SLC22A3: variants seen among roughly 807,000 people sequenced by gnomAD.
SLC22A3 encodes the protein EMT organic cation transporter 3.
SLC22A3 carries 51 observed loss-of-function variants against 59.1 expected under a neutral mutation model. The observed-to-expected ratio is 0.86, with a 90% CI of 0.69 to 1.09. The LOEUF (loss-of-function observed/expected upper bound fraction) is 1.09, where lower values mean the gene tolerates loss of function less well. Ranked by LOEUF, SLC22A3 falls within the 50% of genes least tolerant of loss-of-function variation. The pLI is 0.00. For missense variants in SLC22A3, 711 were observed against 726.3 expected (o/e 0.98, Z 0.24); for synonymous variants, 325 against 292.0 (o/e 1.11, Z -1.15).
intron 5 of SLC22A3, among the ~76,000 whole-genome samples, chr6:160,425,029 C>G (rs187098148): frequency 1.1e-4 from 16 of 152,294 alleles, no homozygotes; most frequent in Admixed American, 3.3e-4. Flanking sequence ...ACAGGCTGCT[C>G]TCAAGTTAGC....
chr6:160,348,566 C>G lies in SLC22A3; in HGVS notation c.147C>G (p.Tyr49Ter). Residue 49 changes from tyrosine (Y) to a stop codon, truncating the protein, a stop_gained, in exon 1 of 11, where the codon TAC (tyrosine) becomes TAG (stop). Coordinates refer to ENST00000275300, the MANE Select transcript of SLC22A3 (RefSeq NM_021977.4). LOFTEE classifies it high-confidence loss of function. ...TCCTGGGCACGCAGCCCGACCACTA[C>G]TGGTGCCGCGGGCCAAGTGCCGCGG... ...VVFLGTQPDH[Y>*]WCRGPSAAAL... The G allele has an allele frequency of 6.5e-7, 1 of 1,542,560 alleles. No individual in the cohort carries two copies. The highest frequency in any genetic ancestry group is 1.2e-5 in the South Asian group (1 of 84,594).
chr6:160,391,230 T>C (rs1567441), intron 1 of SLC22A3, among the ~76,000 whole-genome samples: 24,229 of 152,146 alleles, frequency 0.16, 2,556 homozygotes, highest in Non-Finnish European at 0.24. Flanking sequence ...ACGCTGAAAT[T>C]AACTATCTTC....
Position 160,442,649 on chromosome 6 carries a change from T to C in SLC22A3, c.1289-112T>C, listed in dbSNP as rs1788589806. On this transcript the variant is annotated intron_variant, in intron 7 of 10. Coordinates refer to ENST00000275300, the MANE Select transcript of SLC22A3 (RefSeq NM_021977.4). ...AAAGTTCTATCATTTGTGCTTAAAA[T>C]TGGCAAAGACTTCAGACTGGAGGCC... 6.4e-6 allele frequency: 5 copies of C among 777,488 alleles called. No individual in the cohort carries two copies. The East Asian group carries it at 7.9e-5, about 12-fold the overall frequency. The allele number at this position is 777,488 out of a possible 1,614,324, so 48.2% of individuals were successfully genotyped here.
chr6:160,352,274 G>C (rs1325233186), intron 1 of SLC22A3, among the ~76,000 whole-genome samples: 2 of 152,186 alleles, frequency 1.3e-5, no homozygotes, highest in African/African-American at 2.4e-5. Flanking sequence ...CTCCTAATTT[G>C]TGTCTCCTGC....
chr6:160,413,511 C>T (rs1012687015), intron 5 of SLC22A3, among the ~76,000 whole-genome samples: 2 of 152,194 alleles, frequency 1.3e-5, no homozygotes, highest in African/African-American at 4.8e-5. Flanking sequence ...TCCCTATCCA[C>T]TGAGTAGGAA....
chr6:160,425,703 T>G (rs1787927216), intron 5 of SLC22A3: 2 of 478,430 alleles, frequency 4.2e-6, no homozygotes, highest in African/African-American at 4.2e-5. Context: ...TTTTGATTGA[T>G]GTACACATAG....
chr6:160,378,814 G>T (rs944503913), intron 1 of SLC22A3, among the ~76,000 whole-genome samples: 10 of 152,280 alleles, frequency 6.6e-5, no homozygotes, highest in African/African-American at 2.2e-4. Flanking sequence ...GGGTTAAATA[G>T]CTCATGTAAT....
At chr6:160,409,283 G>T (rs1787153016) in intron 4 of SLC22A3, among the ~76,000 whole-genome samples, 1 of 95,474 alleles carries the variant, frequency 1.0e-5, no homozygotes, top group African/African-American at 4.2e-5. Context: ...TTGGTTTTTT[G>T]TTCTTGCGAT....
chr6:160,446,666 TAGAC>T (rs1788757443), intron 9 of SLC22A3, among the ~76,000 whole-genome samples: 1 of 152,206 alleles, frequency 6.6e-6, no homozygotes, highest in Admixed American at 6.5e-5. Flanking sequence ...TTTGGGTGGA[TAGAC>T]AGAGCCAAAC....
chr6:160,390,122 G>A (rs440962), intron 1 of SLC22A3, among the ~76,000 whole-genome samples: 37,995 of 152,088 alleles, frequency 0.25, 5,088 homozygotes, highest in South Asian at 0.37. Context: ...AAAATGGGGA[G>A]GCATGAATTT....
intron 1 of SLC22A3, among the ~76,000 whole-genome samples, chr6:160,350,203 C>G (rs1784614491): frequency 6.6e-6 from 1 of 151,812 alleles, no homozygotes; most frequent in East Asian, 1.9e-4. Context: ...ATGCTAAGTG[C>G]TCCAGGGATA....
Position 160,348,638 on chromosome 6 carries a change from C to T in SLC22A3, c.219C>T (p.Arg73=), listed in dbSNP as rs922274258. ...CGWSPEEEWN[R]TAPASRGPEP... Reference sequence around the variant, plus strand: ...GGAGCCCGGAGGAGGAGTGGAACCGCACGGCGCCCGCCTCCCGCGGCCCAG... The same window carrying T: ...GGAGCCCGGAGGAGGAGTGGAACCGTACGGCGCCCGCCTCCCGCGGCCCAG... The change falls in exon 1 of 11, where the codon CGC becomes CGT. Residue 73 remains arginine (R), a synonymous_variant. Coordinates refer to ENST00000275300, the MANE Select transcript of SLC22A3 (RefSeq NM_021977.4). 16 of 1,503,866 alleles carry T rather than the reference C, an allele frequency of 1.1e-5. No homozygotes were observed. The Admixed American group carries it at 2.3e-4, about 22-fold the overall frequency. The allele number at this position is 1,503,866 out of a possible 1,614,324, so 93.2% of individuals were successfully genotyped here.
chr6:160,373,744 G>C (rs1238620481), intron 1 of SLC22A3, among the ~76,000 whole-genome samples: 2 of 152,182 alleles, frequency 1.3e-5, no homozygotes, highest in African/African-American at 4.8e-5. Flanking sequence ...TGGCTACAGT[G>C]GCTTTACCAA....
intron 5 of SLC22A3, among the ~76,000 whole-genome samples, chr6:160,420,281 T>A (rs1787674105): frequency 6.6e-6 from 1 of 152,172 alleles, no homozygotes; most frequent in Non-Finnish European, 1.5e-5. Flanking sequence ...GGCAGACTTG[T>A]GGGATGCCTC....
chr6:160,392,935 A>C (rs998623809), intron 1 of SLC22A3, among the ~76,000 whole-genome samples: 1 of 151,628 alleles, frequency 6.6e-6, no homozygotes, highest in African/African-American at 2.4e-5. Flanking sequence ...TGAAGAGTTT[A>C]GTGACTCCTG....
At chr6:160,399,405 C>T (rs533009558) in intron 2 of SLC22A3, among the ~76,000 whole-genome samples, 5 of 152,022 alleles carry the variant, frequency 3.3e-5, no homozygotes, top group Admixed American at 3.3e-4. Context: ...GGTTTTGCTT[C>T]ATCTGTGTTT....
intron 2 of SLC22A3, among the ~76,000 whole-genome samples, chr6:160,398,612 C>T (rs974016381): frequency 6.6e-6 from 1 of 152,130 alleles, no homozygotes; most frequent in Non-Finnish European, 1.5e-5. Context: ...TTCATAAATG[C>T]AACTGCCCAG....
chr6:160,370,262 G>C (rs1346934769), intron 1 of SLC22A3, among the ~76,000 whole-genome samples: 1 of 152,182 alleles, frequency 6.6e-6, no homozygotes, highest in Admixed American at 6.5e-5. Flanking sequence ...GCCATTTCCT[G>C]ATGAAGGTGG....
At chr6:160,350,156 C>T (rs986145696) in intron 1 of SLC22A3, among the ~76,000 whole-genome samples, 2 of 150,608 alleles carry the variant, frequency 1.3e-5, no homozygotes, top group African/African-American at 4.9e-5. Flanking sequence ...CTTTCTGTAA[C>T]GCCGTGTGCT....
Sources: gnomAD v4.1 joint callset for allele counts (sites outside exome capture counted in the v4.1 genomes callset) on GRCh38, gnomAD v4.1.1 for gene constraint, MANE v1.5 for transcripts, NCBI Gene and HGNC (gene_info 2026-07-23, HGNC 2026-07-21) for gene names.